Variants in GABRG3 observed in about 807,000 individuals in gnomAD.
GABRG3 encodes gamma-aminobutyric acid type A receptor subunit gamma3, also known as gamma-aminobutyric acid receptor subunit gamma-3.
GABRG3 carries 25 observed loss-of-function variants against 48.8 expected under a neutral mutation model. The observed-to-expected ratio is 0.51, with a 90% CI of 0.37 to 0.72. GABRG3 has a LOEUF of 0.72. GABRG3 is among the 30% of genes least tolerant of loss of function. The pLI, the probability that GABRG3 is intolerant of heterozygous loss-of-function variation, is 0.00. For missense variants in GABRG3, 394 were observed against 577.9 expected, an observed-to-expected ratio of 0.68 and a Z score of 3.26; for synonymous variants, 227 against 217.6, an observed-to-expected ratio of 1.04 and a Z score of -0.38.
At chr15:27,088,648 T>A (rs1457681468) in intron 3 of GABRG3, among the ~76,000 whole-genome samples, 1 of 152,082 alleles carries the variant, frequency 6.6e-6, no homozygotes, top group Non-Finnish European at 1.5e-5. Flanking sequence ...GGAAGCGGGC[T>A]TCTTCGTCAC....
chr15:27,273,059 T>C (rs1256715012), intron 3 of GABRG3, among the ~76,000 whole-genome samples: 1 of 152,162 alleles, frequency 6.6e-6, no homozygotes, highest in African/African-American at 2.4e-5. Flanking sequence ...AAATAGGTGG[T>C]GGGCTAGATT....
At chr15:27,250,970 C>T (rs974524099) in intron 3 of GABRG3, among the ~76,000 whole-genome samples, 1 of 152,184 alleles carries the variant, frequency 6.6e-6, no homozygotes, top group African/African-American at 2.4e-5. Context: ...TTCAGCCACA[C>T]TTTACAAACT....
chr15:27,025,489 T>G (rs1895969002), intron 2 of GABRG3, among the ~76,000 whole-genome samples: 1 of 152,196 alleles, frequency 6.6e-6, no homozygotes, highest in Non-Finnish European at 1.5e-5. Context: ...ACATAGTGCA[T>G]GGAATTGTGT....
chr15:27,117,017 C>A (rs997548348), intron 3 of GABRG3, among the ~76,000 whole-genome samples: 1 of 152,174 alleles, frequency 6.6e-6, no homozygotes, highest in African/African-American at 2.4e-5. Context: ...CAGAAAGACA[C>A]CATTTAATCC....
At chr15:27,449,674 T>C (rs967991437) in intron 5 of GABRG3, among the ~76,000 whole-genome samples, 3 of 152,238 alleles carry the variant, frequency 2.0e-5, no homozygotes, top group Admixed American at 6.5e-5. Flanking sequence ...AGTCTGTTTA[T>C]GTGAGTAGTA....
rs150060524 is a variant in GABRG3 at position 27,242,859 on chromosome 15, C to G, written c.271-83950C>G. Reference sequence around the variant, plus strand: ...AAAATAGAGCCATTTCTTCATGTCTCTCAGAGAGATTGGCACATAAATATT... The same window carrying G: ...AAAATAGAGCCATTTCTTCATGTCTGTCAGAGAGATTGGCACATAAATATT... On this transcript the variant is annotated intron_variant, in intron 3 of 9. Transcript: ENST00000615808. 6.8e-4 allele frequency among the ~76,000 whole-genome samples: 104 copies of G among 152,340 alleles called. 1 individual carries two copies. The East Asian group carries it at 0.017, about 25-fold the overall frequency.
intron 3 of GABRG3, among the ~76,000 whole-genome samples, chr15:27,140,131 C>G (rs372823634): frequency 3.5e-4 from 53 of 152,288 alleles, no homozygotes; most frequent in African/African-American, 1.2e-3. Context: ...GTAAGTTTCA[C>G]TGAGTTCTGT....
intron 3 of GABRG3, among the ~76,000 whole-genome samples, chr15:27,152,561 G>A (rs529417592): frequency 8.5e-5 from 13 of 152,218 alleles, no homozygotes; most frequent in African/African-American, 2.9e-4. Flanking sequence ...AAACCTGTCT[G>A]TCAATTTGTA....
intron 3 of GABRG3, among the ~76,000 whole-genome samples, chr15:27,211,244 G>A (rs1015558026): frequency 2.6e-5 from 4 of 152,146 alleles, no homozygotes; most frequent in African/African-American, 9.7e-5. Flanking sequence ...CTAGATCACA[G>A]AAGCAGTGCC....
chr15:27,307,210 T>G (rs1892606779), intron 3 of GABRG3, among the ~76,000 whole-genome samples: 1 of 138,412 alleles, frequency 7.2e-6, no homozygotes, highest in Non-Finnish European at 1.6e-5. Context: ...TACAAACATG[T>G]TTATATATAA....
At chr15:27,250,872 C>G (rs531761772) in intron 3 of GABRG3, among the ~76,000 whole-genome samples, 4 of 133,810 alleles carry the variant, frequency 3.0e-5, no homozygotes, top group Non-Finnish European at 5.9e-5. Flanking sequence ...AGCTGCTCCT[C>G]CTGGGCAGCA....
chr15:27,271,035 A>G (rs1206782330), intron 3 of GABRG3, among the ~76,000 whole-genome samples: 1 of 152,142 alleles, frequency 6.6e-6, no homozygotes, highest in East Asian at 1.9e-4. Context: ...GGTGGTGAGG[A>G]TTGTTATTTG....
At chr15:27,161,426 C>T (rs1024834442) in intron 3 of GABRG3, 6 of 152,128 alleles carry the variant, frequency 3.9e-5, no homozygotes, top group African/African-American at 1.4e-4. Context: ...CAGTTTGTGC[C>T]ACAGCAGAGG....
chr15:27,307,964 TTATA>T (rs1388118940), intron 3 of GABRG3, among the ~76,000 whole-genome samples: 6 of 136,930 alleles, frequency 4.4e-5, no homozygotes, highest in South Asian at 2.3e-4. Flanking sequence ...ATAAACATGT[TTATA>T]TATAAACATA....
intron 5 of GABRG3, among the ~76,000 whole-genome samples, chr15:27,441,847 A>G (rs1453639323): frequency 6.6e-6 from 1 of 152,160 alleles, no homozygotes. Context: ...GCTTGTGATC[A>G]GGCTTGGCAA....
intron 3 of GABRG3, among the ~76,000 whole-genome samples, chr15:27,099,120 T>G (rs1897313784): frequency 6.6e-6 from 1 of 152,214 alleles, no homozygotes; most frequent in South Asian, 2.1e-4. Flanking sequence ...TTGTAATTAT[T>G]GGGCAAAATA....
At chr15:27,089,419 T>G (rs1021780596) in intron 3 of GABRG3, among the ~76,000 whole-genome samples, 6 of 152,030 alleles carry the variant, frequency 3.9e-5, no homozygotes, top group African/African-American at 1.4e-4. Context: ...TTGTCCACAT[T>G]CTAAGTCTAG....
intron 3 of GABRG3, among the ~76,000 whole-genome samples, chr15:27,116,792 C>T (rs1310949158): frequency 2.6e-5 from 4 of 152,118 alleles, no homozygotes; most frequent in African/African-American, 7.2e-5. Context: ...TGCCCTTCTA[C>T]CTCTTCTGCC....
At position 27,236,786 on chromosome 15, in the gene GABRG3, T is replaced by A. The variant is rs1383736779; in HGVS notation, c.271-90023T>A. Among the ~76,000 whole-genome samples the A allele has an allele frequency of 2.6e-5, 4 of 152,238 alleles. No homozygotes were observed. The highest frequency in any genetic ancestry group is 7.2e-5 in the African/African-American group (3 of 41,468). On this transcript the variant is annotated intron_variant, in intron 3 of 9. Transcript: ENST00000615808. This position sits in a 1 kb window ranked among gnomAD's most constrained non-coding sequence, Gnocchi z 4.4. The stretch of plus-strand genomic sequence containing the variant: ...GATCATGCGAACACTGCCATTTTTT[T>A]AACATGGGTCCCATGAAGAGGCATG...
Sources: gnomAD v4.1 joint callset for allele counts (sites outside exome capture counted in the v4.1 genomes callset) on GRCh38, gnomAD v4.1.1 for gene constraint, Gnocchi (gnomAD v3.1) non-coding constraint, MANE v1.5 for transcripts, NCBI Gene and HGNC (gene_info 2026-07-23, HGNC 2026-07-21) for gene names.